Variants in GIGYF2 observed in about 807,000 individuals in gnomAD.
The protein encoded by GIGYF2 is GRB10-interacting GYF protein 2.
Under a neutral mutation model 208.1 loss-of-function variants are expected in GIGYF2, and 25 were observed. The observed-to-expected ratio is 0.12, with a 90% CI of 0.09 to 0.17. The LOEUF (loss-of-function observed/expected upper bound fraction) is 0.17, where lower values mean the gene tolerates loss of function less well. Among genes scored for constraint, GIGYF2 ranks in the 10% least tolerant of loss-of-function variants. GIGYF2 has a pLI of 1.00. For synonymous variants in GIGYF2, 534 were observed against 543.8 expected (o/e 0.98, Z 0.25); for missense variants, 1,302 against 1,579.4 (o/e 0.82, Z 2.98).
intron 26 of GIGYF2, among the ~76,000 whole-genome samples, chr2:232,846,669 C>A (rs1045690471): frequency 1.3e-5 from 1 of 79,536 alleles, no homozygotes; most frequent in Non-Finnish European, 2.6e-5. Flanking sequence ...TAAGCACCTA[C>A]CATGTGTGCT....
intron 14 of GIGYF2, 73 bp downstream of exon 14, chr2:232,796,294 T>A: frequency 1.0e-6 from 1 of 998,274 alleles, no homozygotes; most frequent in Non-Finnish European, 1.6e-6. Flanking sequence ...AAGGGATTTG[T>A]TTAATTTAAA....
chr2:232,738,552 A>G lies in GIGYF2; in HGVS notation c.41+3314A>G, dbSNP rs148880797. 8.7e-3 allele frequency among the ~76,000 whole-genome samples: 1,328 copies of G among 152,174 alleles called. 35 individuals carry two copies. Among genetic ancestry groups the G allele is most frequent in the Admixed American group, 0.054 (832 of 15,280 alleles). ...TTTATTGTCTATATCCTGTCTTTCA[A>G]CCCCCACTAGACTGTGAGCTCCATT... On this transcript the variant is annotated intron_variant, in intron 3 of 28. Coordinates refer to ENST00000373563, the MANE Select transcript of GIGYF2 (RefSeq NM_001103146.3).
chr2:232,798,284 A>G (rs1309480318), intron 14 of GIGYF2, among the ~76,000 whole-genome samples: 1 of 152,224 alleles, frequency 6.6e-6, no homozygotes, highest in African/African-American at 2.4e-5. Flanking sequence ...TATGAATGTT[A>G]TCAAAGTTTG....
At chr2:232,712,986 A>G (rs965206744) in intron 2 of GIGYF2, among the ~76,000 whole-genome samples, 2 of 152,178 alleles carry the variant, frequency 1.3e-5, no homozygotes, top group Non-Finnish European at 2.9e-5. Context: ...ATCCAGTACT[A>G]TAACTACTAG....
At chr2:232,850,771 T>C (rs1451029753) in intron 28 of GIGYF2, among the ~76,000 whole-genome samples, 1 of 152,238 alleles carries the variant, frequency 6.6e-6, no homozygotes. Flanking sequence ...CTTATTTGTA[T>C]TGAAAGCAGA....
chr2:232,722,806 C>A (rs1037622779), intron 2 of GIGYF2: 1 of 151,786 alleles, frequency 6.6e-6, no homozygotes, highest in Non-Finnish European at 1.5e-5. Flanking sequence ...TTAAAAAAAA[C>A]AAACAAACTC....
chr2:232,833,145 A>T, intron 22 of GIGYF2, 52 bp downstream of exon 22: 1 of 1,224,196 alleles, frequency 8.2e-7, no homozygotes, highest in Non-Finnish European at 1.2e-6. Flanking sequence ...TTTTTTAGTT[A>T]GGTAGGTGCT....
At chr2:232,761,513 G>T in intron 8 of GIGYF2, 77 bp downstream of exon 8, 1 of 825,084 alleles carries the variant, frequency 1.2e-6, no homozygotes, top group Non-Finnish European at 2.1e-6. Flanking sequence ...CCAGTAGATG[G>T]GGCTGCAGCA....
At position 232,707,260 on chromosome 2, in the gene GIGYF2, A is replaced by G. The variant is rs139891313; in HGVS notation, c.-44+3771A>G. Among the ~76,000 whole-genome samples, 1,346 of 152,300 alleles carry G rather than the reference A, an allele frequency of 8.8e-3. 35 individuals carry two copies. Among genetic ancestry groups the G allele is most frequent in the Admixed American group, 0.056 (849 of 15,296 alleles). ...CCTTTTATTCAAATTCTCCTGGGCC[A>G]GGAGGAAGTCTTGGGAGCTCTGGTC... On this transcript the variant is annotated intron_variant, in intron 2 of 28. Transcript: ENST00000373563.
In GIGYF2 at chr2:232,735,196, G is replaced by C; in HGVS notation, c.-2G>C. The C allele has an allele frequency of 1.9e-6, 3 of 1,603,066 alleles. No homozygotes were observed. In the South Asian group the frequency reaches 3.3e-5, roughly 18 times the overall value. On this transcript the variant is annotated 5_prime_UTR_variant, in exon 3 of 29. Transcript: ENST00000373563. Reference sequence around the variant, plus strand: ...AAATCTATTGTAAAAATACGGAAAAGAATGGCAGCGGAAACGCAGACACTG... The same window carrying C: ...AAATCTATTGTAAAAATACGGAAAACAATGGCAGCGGAAACGCAGACACTG...
chr2:232,729,940 T>G lies in GIGYF2; in HGVS notation c.-43-5215T>G, dbSNP rs1697380514. ...CTATCTTTAGCTCCTCTTCCTATAG[T>G]GTCTTCCATATCCACAGGACCATAC... is the stretch of plus-strand genomic sequence containing the variant. On this transcript the variant is annotated intron_variant, in intron 2 of 28. Transcript: ENST00000373563. The G allele has an allele frequency of 2.1e-5, 15 of 731,460 alleles. 1 individual carries two copies. In the South Asian group the frequency reaches 2.2e-4, roughly 11 times the overall value. The allele number at this position is 731,460 out of a possible 1,614,324, so 45.3% of individuals were successfully genotyped here.
rs145947480 is a variant in GIGYF2 at position 232,786,598 on chromosome 2, T to A, written c.533-552T>A. Among the ~76,000 whole-genome samples, 907 of 152,356 alleles carry A rather than the reference T, an allele frequency of 6.0e-3. 7 individuals carry two copies. Among genetic ancestry groups the A allele is most frequent in the Non-Finnish European group, 8.6e-3 (585 of 68,030 alleles). ...GCCTGAAATGTACAGATATCATGTT[T>A]AGGCAGAATCACCAGTAGGTGTTGG... On this transcript the variant is annotated intron_variant, in intron 8 of 28. Transcript: ENST00000373563.
chr2:232,836,611 A>G (rs1701648233), intron 22 of GIGYF2, among the ~76,000 whole-genome samples: 1 of 149,134 alleles, frequency 6.7e-6, no homozygotes, highest in African/African-American at 2.5e-5. Context: ...ACACTGACAG[A>G]CTGATCCACT....
chr2:232,746,615 TAA>T (rs2106310692), intron 3 of GIGYF2, among the ~76,000 whole-genome samples: 1 of 152,278 alleles, frequency 6.6e-6, no homozygotes, highest in African/African-American at 2.4e-5. Flanking sequence ...ATTTTAAAAT[TAA>T]ACAAAATAGT....
At chr2:232,776,560 T>A in intron 8 of GIGYF2, 1 of 805,310 alleles carries the variant, frequency 1.2e-6, no homozygotes, top group Non-Finnish European at 2.1e-6. Context: ...GTTCTCTTCT[T>A]GGACTGGTTT....
At chr2:232,707,732 G>T (rs1342119327) in intron 2 of GIGYF2, among the ~76,000 whole-genome samples, 1 of 151,422 alleles carries the variant, frequency 6.6e-6, no homozygotes, top group Non-Finnish European at 1.5e-5. Flanking sequence ...CCACCCCCTG[G>T]GTTCAAGCGA....
At position 232,747,723 on chromosome 2, in the gene GIGYF2, A is replaced by T; in HGVS notation, c.150A>T (p.Ala50=). Residue 50 remains alanine (A), a synonymous_variant, in exon 4 of 29, where the codon GCA becomes GCT. Transcript: ENST00000373563. ...DYRYGREEML[A]LFLKDNKIPS... is the part of the protein sequence containing the mutation. ...GTTACGGCAGAGAAGAAATGTTAGCACTTTTCCTTAAAGACAACAAGGTAA... is the reference window on the plus strand; with the variant it reads ...GTTACGGCAGAGAAGAAATGTTAGCTCTTTTCCTTAAAGACAACAAGGTAA... 6.2e-7 allele frequency: 1 copy of T among 1,613,902 alleles called. No homozygotes were observed. The highest frequency in any genetic ancestry group is 8.5e-7 in the Non-Finnish European group (1 of 1,179,856).
chr2:232,799,587 C>G (rs927361076), intron 14 of GIGYF2, among the ~76,000 whole-genome samples: 1 of 146,414 alleles, frequency 6.8e-6, no homozygotes, highest in African/African-American at 2.6e-5. Context: ...AATAATAATA[C>G]TGCTTTGAAC....
At chr2:232,734,695 G>C (rs1432156401) in intron 2 of GIGYF2, among the ~76,000 whole-genome samples, 1 of 152,156 alleles carries the variant, frequency 6.6e-6, no homozygotes, top group Non-Finnish European at 1.5e-5. Flanking sequence ...GGAGAGTTGT[G>C]GCAGAAGCTA....
Sources: gnomAD v4.1 joint callset for allele counts (sites outside exome capture counted in the v4.1 genomes callset) on GRCh38, gnomAD v4.1.1 for gene constraint, MANE v1.5 for transcripts, NCBI Gene and HGNC (gene_info 2026-07-23, HGNC 2026-07-21) for gene names.